GRIK4: variants seen among roughly 807,000 people sequenced by gnomAD.
GRIK4 encodes the protein glutamate ionotropic receptor kainate type subunit 4.
In GRIK4, 40 loss-of-function variants were observed where a neutral mutation model predicts 104.9. The observed-to-expected ratio is 0.38, with a 90% CI of 0.30 to 0.50. The LOEUF is 0.50. Ranked by LOEUF, GRIK4 falls within the 20% of genes least tolerant of loss-of-function variation. The pLI, the probability that GRIK4 is intolerant of heterozygous loss-of-function variation, is 0.93. For missense variants in GRIK4, 1,047 were observed against 1,308.1 expected (o/e 0.80, Z 3.08); for synonymous variants, 485 against 524.9 (o/e 0.92, Z 1.04).
At chr11:120,702,282 G>A (rs145447425) in intron 3 of GRIK4, among the ~76,000 whole-genome samples, 62 of 152,214 alleles carry the variant, frequency 4.1e-4, no homozygotes, top group African/African-American at 1.2e-3. Context: ...TGGTACTTAC[G>A]AGGGTAGAGT....
intron 14 of GRIK4, among the ~76,000 whole-genome samples, chr11:120,948,183 C>G (rs191174756): frequency 6.6e-6 from 1 of 152,172 alleles, no homozygotes; most frequent in Admixed American, 6.5e-5. Flanking sequence ...GTTCTCTTAC[C>G]TCTTCAGCCC....
At chr11:120,930,131 G>A (rs937185683) in intron 13 of GRIK4, among the ~76,000 whole-genome samples, 1 of 152,194 alleles carries the variant, frequency 6.6e-6, no homozygotes, top group Admixed American at 6.5e-5. Flanking sequence ...GCACAGTCCT[G>A]AGAATGTGTA....
chr11:120,556,449 G>C (rs545988918), intron 1 of GRIK4, among the ~76,000 whole-genome samples: 2 of 152,262 alleles, frequency 1.3e-5, no homozygotes, highest in Middle Eastern at 6.8e-3. Context: ...CATTTCGCAA[G>C]GATAACTCCA....
At chr11:120,869,379 G>A (rs1224634782) in intron 9 of GRIK4, 1 of 152,320 alleles carries the variant, frequency 6.6e-6, no homozygotes, top group Admixed American at 6.5e-5. Flanking sequence ...CCCCTCTGAA[G>A]GCCACACACA....
At chr11:120,791,685 A>G (rs900897247) in intron 3 of GRIK4, among the ~76,000 whole-genome samples, 4 of 152,192 alleles carry the variant, frequency 2.6e-5, no homozygotes, top group African/African-American at 4.8e-5. Context: ...GCCTAACTCA[A>G]AGATTTTCTT....
chr11:120,725,770 T>C (rs1423461414), intron 3 of GRIK4, among the ~76,000 whole-genome samples: 2 of 152,174 alleles, frequency 1.3e-5, no homozygotes, highest in Non-Finnish European at 2.9e-5. Context: ...TATGGAACTA[T>C]TGGGTCACTT....
At chr11:120,743,055 A>G (rs1951367967) in intron 3 of GRIK4, among the ~76,000 whole-genome samples, 2 of 152,132 alleles carry the variant, frequency 1.3e-5, no homozygotes, top group South Asian at 2.1e-4. Flanking sequence ...ACATGGTGAA[A>G]CCCCGTCTGT....
At chr11:120,717,525 C>T (rs745374139) in intron 3 of GRIK4, among the ~76,000 whole-genome samples, 4 of 151,714 alleles carry the variant, frequency 2.6e-5, no homozygotes, top group Non-Finnish European at 5.9e-5. Context: ...AGAAAGACAC[C>T]GCAGGGCCAG....
At chr11:120,823,491 G>T (rs1385490666) in intron 6 of GRIK4, among the ~76,000 whole-genome samples, 1 of 152,176 alleles carries the variant, frequency 6.6e-6, no homozygotes. Flanking sequence ...AGAAAACAGA[G>T]TCTTGGAGGT....
intron 13 of GRIK4, among the ~76,000 whole-genome samples, chr11:120,910,764 T>C (rs1307495084): frequency 6.6e-6 from 1 of 152,000 alleles, no homozygotes; most frequent in Non-Finnish European, 1.5e-5. Flanking sequence ...CCCATTCGGG[T>C]GAGAGCAGGG....
chr11:120,867,817 A>T (rs966988818), intron 9 of GRIK4: 1 of 151,978 alleles, frequency 6.6e-6, no homozygotes, highest in East Asian at 1.9e-4. Flanking sequence ...GGAGACACAC[A>T]CCCGCTAGCT....
intron 3 of GRIK4, among the ~76,000 whole-genome samples, chr11:120,787,212 T>G (rs1482260613): frequency 2.6e-5 from 4 of 151,238 alleles, no homozygotes; most frequent in Non-Finnish European, 4.4e-5. Flanking sequence ...TCACATGTGG[T>G]CCCAGCTATT....
At chr11:120,560,393 C>G (rs149221250) in intron 1 of GRIK4, among the ~76,000 whole-genome samples, 3 of 152,082 alleles carry the variant, frequency 2.0e-5, no homozygotes, top group Admixed American at 1.3e-4. Context: ...GGGACCTAGC[C>G]CCGCATTTGT....
intron 1 of GRIK4, among the ~76,000 whole-genome samples, chr11:120,531,782 G>A (rs758981790): frequency 6.6e-6 from 1 of 151,980 alleles, no homozygotes; most frequent in Non-Finnish European, 1.5e-5. Context: ...CACCATGTTG[G>A]CCAGGCTGGT....
chr11:120,852,112 T>C (rs933660789), intron 8 of GRIK4, among the ~76,000 whole-genome samples: 1 of 152,240 alleles, frequency 6.6e-6, no homozygotes, highest in African/African-American at 2.4e-5. Context: ...CTAGTTCTCA[T>C]TGTCAACTTG....
intron 11 of GRIK4, chr11:120,894,638 T>A (rs1942521109): frequency 6.6e-6 from 1 of 152,236 alleles, no homozygotes; most frequent in Admixed American, 6.5e-5. Context: ...AGACATTATT[T>A]GAAGCAAAAT....
chr11:120,766,004 T>C (rs186780099), intron 3 of GRIK4, among the ~76,000 whole-genome samples: 2,502 of 152,340 alleles, frequency 0.016, 42 homozygotes, highest in Middle Eastern at 0.02. Flanking sequence ...ACTGCTCTCT[T>C]CAGAGCTGGC....
intron 1 of GRIK4, among the ~76,000 whole-genome samples, chr11:120,589,091 GT>G (rs905199543): frequency 5.3e-5 from 8 of 152,196 alleles, no homozygotes; most frequent in Non-Finnish European, 7.3e-5. Context: ...TCTGCTAAGG[GT>G]TGGAAAAATC....
At chr11:120,515,120 T>C (rs114141957) in intron 1 of GRIK4, 4,744 of 443,708 alleles carry the variant, frequency 0.011, 169 homozygotes, top group African/African-American at 0.086. Context: ...CATGATCTTG[T>C]CCCCCCTCCC....
Sources: allele counts gnomAD v4.1 joint callset (sites outside exome capture counted in the v4.1 genomes callset), GRCh38; gene constraint gnomAD v4.1.1; transcripts MANE v1.5; gene names NCBI Gene and HGNC (gene_info 2026-07-23, HGNC 2026-07-21).